SGCD: variants seen among roughly 807,000 people sequenced by gnomAD.
SGCD encodes the protein sarcoglycan delta.
A neutral mutation model predicts 36.6 loss-of-function variants in SGCD; 18 were observed. That is an observed-to-expected ratio of 0.49 (90% confidence interval 0.34 to 0.73). The LOEUF is 0.73. Ranked by LOEUF, SGCD falls within the 30% of genes least tolerant of loss-of-function variation. SGCD has a pLI of 0.01. For missense variants in SGCD, 387 were observed against 346.7 expected (o/e 1.12, Z -0.92); for synonymous variants, 133 against 130.6 (o/e 1.02, Z -0.12).
intron 3 of SGCD, among the ~76,000 whole-genome samples, chr5:156,248,288 G>A (rs973544922): frequency 1.3e-5 from 2 of 152,130 alleles, no homozygotes; most frequent in Admixed American, 6.6e-5. Context: ...TTGGGAGGCC[G>A]AGATGGGCAG....
intron 2 of SGCD, among the ~76,000 whole-genome samples, chr5:156,333,316 G>A (rs1413481394): frequency 6.6e-6 from 1 of 152,068 alleles, no homozygotes; most frequent in Non-Finnish European, 1.5e-5. Flanking sequence ...TATCAAAGAT[G>A]GTTTATTACC....
At chr5:156,444,093 T>TCTCTCTCTCTCTCTCTCTCTCTCTCC (rs1753634281) in intron 3 of SGCD, among the ~76,000 whole-genome samples, 1 of 117,832 alleles carries the variant, frequency 8.5e-6, no homozygotes, top group Non-Finnish European at 1.7e-5. Flanking sequence ...TCTCTCTCTC[T>TCTCTCTCTCTCTCTCTCTCTCTCTCC]CTCTCTCTCT....
intron 3 of SGCD, among the ~76,000 whole-genome samples, chr5:156,369,465 G>T (rs536004964): frequency 6.6e-6 from 1 of 152,336 alleles, no homozygotes; most frequent in South Asian, 2.1e-4. Flanking sequence ...TAGTTGGCCA[G>T]TTTGTCTAGC....
intron 3 of SGCD, among the ~76,000 whole-genome samples, chr5:156,300,308 G>C (rs140318507): frequency 6.6e-6 from 1 of 151,640 alleles, no homozygotes; most frequent in East Asian, 1.9e-4. Context: ...ATGGGTTTTG[G>C]TATATTGTTT....
intron 7 of SGCD, among the ~76,000 whole-genome samples, chr5:156,732,068 A>G (rs898037617): frequency 5.9e-5 from 9 of 152,258 alleles, no homozygotes; most frequent in African/African-American, 2.2e-4. Flanking sequence ...TTTTCTAGCT[A>G]TAGAGTCATG....
intron 6 of SGCD, 143 bp downstream of exon 6, chr5:156,595,194 T>C: frequency 9.9e-7 from 1 of 1,012,528 alleles, no homozygotes. Context: ...TATTAGGAGG[T>C]GGAGCCTTGA....
At chr5:155,995,349 A>G (rs1448799239) in intron 1 of SGCD, among the ~76,000 whole-genome samples, 1 of 152,222 alleles carries the variant, frequency 6.6e-6, no homozygotes, top group African/African-American at 2.4e-5. Flanking sequence ...TAACATGTAG[A>G]TATAAAATAT....
rs146826526 is a variant in SGCD, at chr5:156,200,105, G to A, written c.-44+76086G>A. Among the ~76,000 whole-genome samples, 67 of 152,252 alleles carry A rather than the reference G, an allele frequency of 4.4e-4. No individual in the cohort carries two copies. In the East Asian group the frequency reaches 5.4e-3, roughly 12 times the overall value. ...ATGCTCATACTACACAAAGTGATCC[G>A]TGGACTCAGTCCAATCTCTATCACA... On this transcript the variant is annotated intron_variant, in intron 3 of 9. Coordinates refer to the SGCD transcript ENST00000517913.
chr5:156,033,964 T>C (rs998350853), intron 1 of SGCD, among the ~76,000 whole-genome samples: 1 of 152,172 alleles, frequency 6.6e-6, no homozygotes, highest in African/African-American at 2.4e-5. Flanking sequence ...TCACCAACTT[T>C]CTACCAAGGG....
At chr5:156,473,516 A>G (rs1486732489) in intron 3 of SGCD, among the ~76,000 whole-genome samples, 2 of 152,202 alleles carry the variant, frequency 1.3e-5, no homozygotes, top group African/African-American at 4.8e-5. Flanking sequence ...TTTTCTATGT[A>G]ATCTTTTTGG....
In SGCD at chr5:156,332,789, T is replaced by G. The variant is rs574158772; in HGVS notation, c.3+3210T>G. Among the ~76,000 whole-genome samples, 18 of 152,274 alleles carry G rather than the reference T, an allele frequency of 1.2e-4. No homozygotes were observed. The East Asian group carries it at 3.1e-3, about 26-fold the overall frequency. ...GTGATAGATATCAGAATACTCACAATCTCTGGGGAAGGGAATTGATTAAGA... is the reference window on the plus strand; with the variant it reads ...GTGATAGATATCAGAATACTCACAAGCTCTGGGGAAGGGAATTGATTAAGA... On this transcript the variant is annotated intron_variant, in intron 2 of 8. Coordinates refer to ENST00000337851, the MANE Select transcript of SGCD (RefSeq NM_000337.6).
intron 3 of SGCD, among the ~76,000 whole-genome samples, chr5:156,464,528 A>G (rs987979602): frequency 6.6e-6 from 1 of 152,028 alleles, no homozygotes; most frequent in Non-Finnish European, 1.5e-5. Flanking sequence ...CCTTGAATCT[A>G]CGTTCTTAGG....
At position 156,269,505 on chromosome 5, in the gene SGCD, A is replaced by AAAAAAAAACAAAAC. The variant is rs1189540837; in HGVS notation, c.-43-60024_-43-60023insAAACAAAACAAAAA. On this transcript the variant is annotated intron_variant, in intron 3 of 9. Transcript: ENST00000517913. ...AAAAAAAAAAAAAAAAAAAAAAAAA[A>AAAAAAAAACAAAAC]AAAAACCATCAGATCTCATGAAACT... 4.6e-5 allele frequency among the ~76,000 whole-genome samples: 4 copies of AAAAAAAAACAAAAC among 86,174 alleles called. 1 individual carries two copies. The highest frequency in any genetic ancestry group is 1.6e-4 in the African/African-American group (3 of 19,340). 56.5% of individuals were successfully genotyped at this position (86,174 alleles called of 152,430 possible).
chr5:156,622,975 T>G (rs1302498590), intron 6 of SGCD, among the ~76,000 whole-genome samples: 1 of 152,134 alleles, frequency 6.6e-6, no homozygotes, highest in Non-Finnish European at 1.5e-5. Flanking sequence ...GAGCCATATT[T>G]TGGGGTAGCA....
intron 1 of SGCD, among the ~76,000 whole-genome samples, chr5:155,908,402 C>A (rs1270029584): frequency 6.6e-6 from 1 of 152,062 alleles, no homozygotes; most frequent in Non-Finnish European, 1.5e-5. Context: ...TTGGTGTATA[C>A]TCATGAATAT....
At chr5:156,207,692 T>C (rs911931219) in intron 3 of SGCD, among the ~76,000 whole-genome samples, 2 of 152,190 alleles carry the variant, frequency 1.3e-5, no homozygotes, top group Non-Finnish European at 2.9e-5. Flanking sequence ...GATTGTTATA[T>C]ACCATAGAAA....
intron 7 of SGCD, among the ~76,000 whole-genome samples, chr5:156,736,059 C>T (rs1156489047): frequency 6.6e-6 from 1 of 152,146 alleles, no homozygotes; most frequent in Non-Finnish European, 1.5e-5. Context: ...CTTGGCTCCA[C>T]ATTCTGCTCC....
chr5:156,050,827 A>G (rs1238949735), intron 1 of SGCD, among the ~76,000 whole-genome samples: 1 of 146,408 alleles, frequency 6.8e-6, no homozygotes, highest in African/African-American at 2.5e-5. Flanking sequence ...AATTAAAAGT[A>G]TAGCTTCTTA....
intron 6 of SGCD, among the ~76,000 whole-genome samples, chr5:156,614,286 A>C (rs945558911): frequency 3.3e-5 from 5 of 152,330 alleles, no homozygotes. Context: ...ATTGAGGCAC[A>C]GAGTGGTATA....
Sources: gnomAD v4.1 joint callset for allele counts (sites outside exome capture counted in the v4.1 genomes callset) on GRCh38, gnomAD v4.1.1 for gene constraint, MANE v1.5 for transcripts, NCBI Gene and HGNC (gene_info 2026-07-23, HGNC 2026-07-21) for gene names.